The following SLC8A1 variants were observed in gnomAD, a reference collection of about 807,000 sequenced individuals.
The protein encoded by SLC8A1 is sodium/calcium exchanger 1.
In SLC8A1, 18 loss-of-function variants were observed where a neutral mutation model predicts 68.3. That is an observed-to-expected ratio of 0.26 (90% CI 0.18 to 0.39). The LOEUF (loss-of-function observed/expected upper bound fraction) is 0.39, where lower values mean the gene tolerates loss of function less well. SLC8A1 is among the 10% of genes least tolerant of loss of function. The pLI is 1.00. For synonymous variants in SLC8A1, 475 were observed against 415.5 expected (o/e 1.14, Z -1.74); for missense variants, 985 against 1,156.7 (o/e 0.85, Z 2.15).
chr2:40,333,209 C>A (rs1018280811), intron 2 of SLC8A1, among the ~76,000 whole-genome samples: 28 of 151,912 alleles, frequency 1.8e-4, no homozygotes, highest in Non-Finnish European at 3.2e-4. Context: ...GAGGCCAAGG[C>A]GGGCGGATCA....
intron 2 of SLC8A1, among the ~76,000 whole-genome samples, chr2:40,303,308 A>C (rs1396935013): frequency 6.6e-6 from 1 of 152,218 alleles, no homozygotes; most frequent in Non-Finnish European, 1.5e-5. Flanking sequence ...TTACCCGCTT[A>C]GTTGCACACA....
intron 2 of SLC8A1, among the ~76,000 whole-genome samples, chr2:40,234,000 C>A (rs1184011719): frequency 6.6e-6 from 1 of 152,070 alleles, no homozygotes; most frequent in Non-Finnish European, 1.5e-5. Flanking sequence ...GTTACTGTAG[C>A]CTTGTAGTAT....
chr2:40,428,801 G>T (rs952882765), exon 2 of SLC8A1: 1 of 1,613,804 alleles, frequency 6.2e-7, no homozygotes, highest in Non-Finnish European at 8.5e-7. Context: ...TTGCTGAGAT[G>T]CACAAGGAAA....
chr2:40,305,694 T>G (rs1402668764), intron 2 of SLC8A1, among the ~76,000 whole-genome samples: 1 of 152,188 alleles, frequency 6.6e-6, no homozygotes, highest in Non-Finnish European at 1.5e-5. Flanking sequence ...CAGTTTTACA[T>G]TCCAAAGATT....
intron 2 of SLC8A1, chr2:40,177,956 G>T: frequency 1.3e-6 from 1 of 782,902 alleles, no homozygotes; most frequent in South Asian, 1.5e-5. Flanking sequence ...TATGGAGGGA[G>T]AACTGGCAGC....
intron 2 of SLC8A1, among the ~76,000 whole-genome samples, chr2:40,181,215 C>T (rs1243318352): frequency 6.6e-6 from 1 of 152,162 alleles, no homozygotes; most frequent in Non-Finnish European, 1.5e-5. Flanking sequence ...CCGCCTTGGC[C>T]TCCCAAAGTG....
intron 2 of SLC8A1, among the ~76,000 whole-genome samples, chr2:40,227,256 G>C (rs1233717095): frequency 1.5e-5 from 1 of 67,200 alleles, no homozygotes; most frequent in Non-Finnish European, 4.3e-5. Flanking sequence ...GAAAACAGGG[G>C]ACCTATCTAT....
In SLC8A1 at chr2:40,501,991, C is replaced by T. The variant is rs79133501; in HGVS notation, c.-25+10358G>A. The stretch of plus-strand genomic sequence containing the variant: ...GCATCAAAGACTGTTTTCATCATCT[C>T]TAGACGTCTTAACATCATCCTCACA... On this transcript the variant is annotated intron_variant, in intron 1 of 7. Transcript: ENST00000402441. Among the ~76,000 whole-genome samples, 105 of 152,160 alleles carry T rather than the reference C, an allele frequency of 6.9e-4. 1 individual carries two copies. In the South Asian group the frequency reaches 0.014, roughly 21 times the overall value.
At chr2:40,480,281 T>A (rs978941514) in intron 1 of SLC8A1, among the ~76,000 whole-genome samples, 1 of 152,108 alleles carries the variant, frequency 6.6e-6, no homozygotes, top group Non-Finnish European at 1.5e-5. Flanking sequence ...CCTCTAAAAT[T>A]CATATGTTGA....
chr2:40,412,596 C>A (rs953454286), intron 2 of SLC8A1, among the ~76,000 whole-genome samples: 1 of 152,262 alleles, frequency 6.6e-6, no homozygotes, highest in South Asian at 2.1e-4. Context: ...CTAGAACATG[C>A]TTCTGAGGCA....
chr2:40,212,288 T>TTTTTTTG (rs1304496445), intron 2 of SLC8A1, among the ~76,000 whole-genome samples: 1 of 145,300 alleles, frequency 6.9e-6, no homozygotes, highest in Non-Finnish European at 1.5e-5. Flanking sequence ...AATATCTTTT[T>TTTTTTTG]TTTTTTTTTT....
At chr2:40,295,619 G>T (rs935228775) in intron 2 of SLC8A1, among the ~76,000 whole-genome samples, 1 of 152,050 alleles carries the variant, frequency 6.6e-6, no homozygotes, top group Admixed American at 6.6e-5. Flanking sequence ...GGAGGATTAC[G>T]ATCCAGCAGA....
intron 2 of SLC8A1, among the ~76,000 whole-genome samples, chr2:40,184,933 A>G (rs1015256438): frequency 6.6e-6 from 1 of 151,902 alleles, no homozygotes; most frequent in Non-Finnish European, 1.5e-5. Context: ...AAAGAAAGAA[A>G]AAAAGATGGG....
chr2:40,302,075 T>TGTGTGTGTGTGTC (rs2071585000), intron 2 of SLC8A1, among the ~76,000 whole-genome samples: 1 of 50,010 alleles, frequency 2.0e-5, no homozygotes, highest in East Asian at 8.4e-4. Flanking sequence ...GTGTGTGTGT[T>TGTGTGTGTGTGTC]TAGTAGAGAA....
At position 40,442,448 on chromosome 2, in the gene SLC8A1, T is replaced by A. The variant is rs1042580365; in HGVS notation, c.-25+9456A>T. On this transcript the variant is annotated intron_variant, in intron 1 of 7. Coordinates refer to ENST00000406785, the Ensembl canonical transcript of SLC8A1. Reference sequence around the variant, plus strand: ...CAAAAAGTGGACAAAGGATATGATATGAACAGACGCTTATCAAAAGAAGTC... The same window carrying A: ...CAAAAAGTGGACAAAGGATATGATAAGAACAGACGCTTATCAAAAGAAGTC... 7.5e-5 allele frequency among the ~76,000 whole-genome samples: 11 copies of A among 147,040 alleles called. 1 individual carries two copies. The highest frequency in any genetic ancestry group is 7.4e-4 in the Admixed American group (11 of 14,846).
chr2:40,317,192 G>T (rs1182904156), intron 2 of SLC8A1, among the ~76,000 whole-genome samples: 1 of 152,016 alleles, frequency 6.6e-6, no homozygotes, highest in Admixed American at 6.6e-5. Context: ...GACTCAAGCA[G>T]AGATACTGTT....
chr2:40,386,992 A>G (rs571520067), intron 2 of SLC8A1, among the ~76,000 whole-genome samples: 4 of 151,480 alleles, frequency 2.6e-5, no homozygotes, highest in South Asian at 2.1e-4. Flanking sequence ...GAGAAACTAG[A>G]ATATCTTAAG....
chr2:40,404,615 G>A (rs1037385052), intron 2 of SLC8A1, among the ~76,000 whole-genome samples: 20 of 152,132 alleles, frequency 1.3e-4, no homozygotes, highest in Admixed American at 6.6e-5. Flanking sequence ...TTTATTAAGA[G>A]AGAGAATATG....
intron 1 of SLC8A1, among the ~76,000 whole-genome samples, chr2:40,438,220 C>G (rs1207229133): frequency 6.6e-6 from 1 of 152,106 alleles, no homozygotes; most frequent in Admixed American, 6.6e-5. Flanking sequence ...AATTGTTCAC[C>G]ACTAACCCTG....
Sources: gnomAD v4.1 joint callset for allele counts (sites outside exome capture counted in the v4.1 genomes callset) on GRCh38, gnomAD v4.1.1 for gene constraint, MANE v1.5 for transcripts, NCBI Gene and HGNC (gene_info 2026-07-23, HGNC 2026-07-21) for gene names.